STT3B: variants seen among roughly 807,000 people sequenced by gnomAD.
STT3B encodes dolichyl-diphosphooligosaccharide--protein glycosyltransferase subunit STT3B.
STT3B carries 29 observed loss-of-function variants against 96.8 expected under a neutral mutation model. That is an observed-to-expected ratio of 0.30 (90% CI 0.22 to 0.41). The LOEUF (loss-of-function observed/expected upper bound fraction) is 0.41, where lower values mean the gene tolerates loss of function less well. Ranked by LOEUF, STT3B falls within the 10% of genes least tolerant of loss-of-function variation. The pLI is 1.00. For synonymous variants in STT3B, 367 were observed against 360.0 expected, an observed-to-expected ratio of 1.02 and a Z score of -0.22; for missense variants, 640 against 1,022.3, an observed-to-expected ratio of 0.63 and a Z score of 5.10.
intron 1 of STT3B, among the ~76,000 whole-genome samples, chr3:31,544,902 A>C (rs932779996): frequency 6.6e-6 from 1 of 151,926 alleles, no homozygotes; most frequent in Non-Finnish European, 1.5e-5. Flanking sequence ...GCACCACCGC[A>C]CTCCAGCCTG....
At chr3:31,552,364 G>C (rs1697582973) in intron 1 of STT3B, among the ~76,000 whole-genome samples, 2 of 152,170 alleles carry the variant, frequency 1.3e-5, no homozygotes, top group African/African-American at 4.8e-5. Context: ...AGTTTAGTGA[G>C]GGAGTTAGAC....
intron 1 of STT3B, among the ~76,000 whole-genome samples, chr3:31,552,965 G>A (rs561825804): frequency 1.3e-5 from 2 of 151,928 alleles, no homozygotes; most frequent in Middle Eastern, 3.4e-3. Flanking sequence ...AGCCGGGCAT[G>A]GTGGCGCGTG....
intron 13 of STT3B, among the ~76,000 whole-genome samples, chr3:31,627,594 T>C (rs1227790440): frequency 6.6e-6 from 1 of 152,234 alleles, no homozygotes; most frequent in Admixed American, 6.5e-5. Flanking sequence ...AGGAATCTTT[T>C]GGGAAAAATG....
At position 31,629,181 on chromosome 3, in the gene STT3B, T is replaced by C. The variant is rs1257718810; in HGVS notation, c.2074-117T>C. ...TTAATTTTTTTGAGGTGTAACTGAA[T>C]ATGGCTTTATAAAGATACCTCAGAA... On this transcript the variant is annotated intron_variant, in intron 13 of 15. Transcript: ENST00000295770. 6 of 662,592 alleles carry C rather than the reference T, an allele frequency of 9.1e-6. No homozygotes were observed. The African/African-American group carries it at 1.1e-4, about 12-fold the overall frequency. 41.0% of individuals were successfully genotyped at this position (662,592 alleles called of 1,614,324 possible).
At chr3:31,557,490 AT>A (rs2125442925) in intron 1 of STT3B, among the ~76,000 whole-genome samples, 1 of 152,174 alleles carries the variant, frequency 6.6e-6, no homozygotes, top group South Asian at 2.1e-4. Context: ...CAATACTAAT[AT>A]TTCCGATCCA....
intron 1 of STT3B, among the ~76,000 whole-genome samples, chr3:31,552,375 T>TTGAACCAGTAAGAA (rs1559362199): frequency 6.6e-6 from 1 of 152,188 alleles, no homozygotes; most frequent in Non-Finnish European, 1.5e-5. Context: ...GGAGTTAGAC[T>TTGAACCAGTAAGAA]TGAACCAGTA....
rs1221229673 is a variant in STT3B at position 31,611,709 on chromosome 3, C to A, written c.878-3396C>A. 5.3e-5 allele frequency among the ~76,000 whole-genome samples: 8 copies of A among 152,190 alleles called. 1 individual carries two copies. The East Asian group carries it at 9.7e-4, about 18-fold the overall frequency. On this transcript the variant is annotated intron_variant, in intron 5 of 15. Coordinates refer to ENST00000295770, the MANE Select transcript of STT3B (RefSeq NM_178862.3). ...ACGGGGTTTCTCCATGTTGGTCAGG[C>A]TGGTCTCAAATTCCCAACCTCAAGT...
At chr3:31,582,392 T>C (rs1389897479) in intron 3 of STT3B, among the ~76,000 whole-genome samples, 1 of 150,614 alleles carries the variant, frequency 6.6e-6, no homozygotes, top group Non-Finnish European at 1.5e-5. Flanking sequence ...GCCTCCCAGG[T>C]TCAAGCGATT....
chr3:31,563,685 A>T (rs1575415858), intron 1 of STT3B, among the ~76,000 whole-genome samples: 1 of 152,220 alleles, frequency 6.6e-6, no homozygotes. Flanking sequence ...AAAAGTTGAT[A>T]TGTTGAAGGA....
At chr3:31,562,848 G>T (rs1697912987) in intron 1 of STT3B, among the ~76,000 whole-genome samples, 1 of 152,194 alleles carries the variant, frequency 6.6e-6, no homozygotes, top group South Asian at 2.1e-4. Context: ...GCACCATGTT[G>T]TAGCTGCTTA....
chr3:31,552,732 C>T (rs1448508435), intron 1 of STT3B, among the ~76,000 whole-genome samples: 1 of 152,174 alleles, frequency 6.6e-6, no homozygotes, highest in African/African-American at 2.4e-5. Context: ...GTCCTTTGGA[C>T]AGTAAGCTTT....
intron 1 of STT3B, among the ~76,000 whole-genome samples, chr3:31,557,402 A>G (rs907489206): frequency 6.6e-6 from 1 of 152,082 alleles, no homozygotes. Context: ...CTATTTCTGT[A>G]ACAAATGACA....
chr3:31,619,960 C>A (rs1307014786), intron 9 of STT3B, 130 bp downstream of exon 9: 1 of 1,510,034 alleles, frequency 6.6e-7, no homozygotes. Flanking sequence ...CTTTATTTTG[C>A]ATAGGTGCTT....
At chr3:31,537,473 A>G (rs1314885662) in intron 1 of STT3B, among the ~76,000 whole-genome samples, 1 of 151,964 alleles carries the variant, frequency 6.6e-6, no homozygotes, top group Non-Finnish European at 1.5e-5. Context: ...TGACAATTAA[A>G]TTGTATGAAT....
At chr3:31,611,501 T>C (rs1699178811) in intron 5 of STT3B, among the ~76,000 whole-genome samples, 1 of 152,176 alleles carries the variant, frequency 6.6e-6, no homozygotes, top group African/African-American at 2.4e-5. Flanking sequence ...GGAGATTGTG[T>C]TTCTTTATTT....
intron 1 of STT3B, among the ~76,000 whole-genome samples, chr3:31,573,429 C>T (rs987390054): frequency 3.3e-5 from 5 of 152,048 alleles, no homozygotes; most frequent in African/African-American, 9.7e-5. Flanking sequence ...AAGATGATAG[C>T]TTGGATTACA....
intron 1 of STT3B, among the ~76,000 whole-genome samples, chr3:31,552,417 C>A (rs904021077): frequency 6.6e-6 from 1 of 152,154 alleles, no homozygotes; most frequent in African/African-American, 2.4e-5. Context: ...GAACATGATA[C>A]AATGAGAGCT....
intron 1 of STT3B, among the ~76,000 whole-genome samples, chr3:31,559,861 G>T (rs1333049734): frequency 1.3e-5 from 2 of 151,944 alleles, no homozygotes; most frequent in Admixed American, 1.3e-4. Flanking sequence ...TTATATATCT[G>T]GGTGTTCCAG....
At chr3:31,555,517 C>G (rs1245759319) in intron 1 of STT3B, among the ~76,000 whole-genome samples, 3 of 152,068 alleles carry the variant, frequency 2.0e-5, no homozygotes, top group Non-Finnish European at 4.4e-5. Flanking sequence ...AGTTCTGTTA[C>G]TCCTGCTTCT....
Sources: gnomAD v4.1 joint callset for allele counts (sites outside exome capture counted in the v4.1 genomes callset) on GRCh38, gnomAD v4.1.1 for gene constraint, MANE v1.5 for transcripts, NCBI Gene and HGNC (gene_info 2026-07-23, HGNC 2026-07-21) for gene names.